The following NEK6 variants were observed in gnomAD, a reference collection of about 807,000 sequenced individuals.
NEK6 encodes the protein NIMA related kinase 6.
In NEK6, 27 loss-of-function variants were observed where a neutral mutation model predicts 43.5. That is an observed-to-expected ratio of 0.62 (90% CI 0.46 to 0.86). NEK6 has a LOEUF of 0.86. Among genes scored for constraint, NEK6 ranks in the 40% least tolerant of loss-of-function variants. The pLI is 0.00. For missense variants in NEK6, 318 were observed against 414.4 expected, an observed-to-expected ratio of 0.77 and a Z score of 2.02; for synonymous variants, 167 against 164.1, an observed-to-expected ratio of 1.02 and a Z score of -0.14.
intron 1 of NEK6, among the ~76,000 whole-genome samples, chr9:124,264,045 C>A (rs746075864): frequency 6.6e-6 from 1 of 152,224 alleles, no homozygotes; most frequent in African/African-American, 2.4e-5. Flanking sequence ...CAGGCCTGGC[C>A]GTGGGGCAGA....
At chr9:124,348,163 C>T (rs964366693) in intron 9 of NEK6, among the ~76,000 whole-genome samples, 2 of 152,206 alleles carry the variant, frequency 1.3e-5, no homozygotes, top group African/African-American at 4.8e-5. Flanking sequence ...GACATGGGAA[C>T]TGATACAGGG....
chr9:124,285,601 C>G (rs1300287860), intron 1 of NEK6, among the ~76,000 whole-genome samples: 1 of 152,194 alleles, frequency 6.6e-6, no homozygotes, highest in Non-Finnish European at 1.5e-5. Context: ...ATCCGAGCAA[C>G]AGCCGAGATT....
chr9:124,292,795 G>A, intron 1 of NEK6: 2 of 1,383,466 alleles, frequency 1.4e-6, no homozygotes, highest in South Asian at 1.5e-5. Flanking sequence ...CAACTGCTGG[G>A]GCCATGGAGA....
intron 1 of NEK6, chr9:124,300,038 G>A (rs1418447394): frequency 6.6e-6 from 1 of 152,330 alleles, no homozygotes; most frequent in Admixed American, 6.5e-5. Flanking sequence ...TGTGGGGCAG[G>A]GAGGAGAGCT....
At position 124,321,484 on chromosome 9, in the gene NEK6, A is replaced by G. The variant is rs1834061735; in HGVS notation, c.320A>G (p.Lys107Arg). 1 of 1,612,812 alleles carries G rather than the reference A, an allele frequency of 6.2e-7. No individual in the cohort carries two copies. The highest frequency in any genetic ancestry group is 1.7e-5 in the Admixed American group (1 of 59,986). The change falls in exon 5 of 10, where the codon AAG becomes AGG. Residue 107 changes from lysine (K) to arginine (R), a missense_variant. Lys to Arg is a conservative substitution (Grantham distance 26, BLOSUM62 2). Around this residue, in one of 2 missense-constraint regions of NEK6, gnomAD observed 239 missense variants for 344.4 expected, o/e 0.69. Transcript: ENST00000320246. Reference protein sequence around the residue: ...LKQLNHPNIIKYLDSFIEDNE... With the variant: ...LKQLNHPNIIRYLDSFIEDNE... ...CAACTGAACCACCCAAATATCATCA[A>G]GTATTTGGACTCGTTTATCGAAGAC... is the stretch of plus-strand genomic sequence containing the variant.
At chr9:124,339,090 G>A (rs376722239) in intron 7 of NEK6, among the ~76,000 whole-genome samples, 7 of 132,862 alleles carry the variant, frequency 5.3e-5, no homozygotes, top group African/African-American at 1.1e-4. Context: ...GTGCAGTGGC[G>A]CAATCTTGGC....
At chr9:124,314,373 G>C (rs1833708412) in intron 4 of NEK6, among the ~76,000 whole-genome samples, 2 of 152,070 alleles carry the variant, frequency 1.3e-5, no homozygotes, top group South Asian at 4.1e-4. Context: ...ACTGCAGCCT[G>C]TCTGGCTCTG....
intron 1 of NEK6, among the ~76,000 whole-genome samples, chr9:124,296,151 C>T (rs1588473560): frequency 6.6e-6 from 1 of 152,266 alleles, no homozygotes; most frequent in Admixed American, 6.5e-5. Flanking sequence ...GGCATCCATC[C>T]TCGGCTTCTG....
intron 1 of NEK6, among the ~76,000 whole-genome samples, chr9:124,278,084 G>C (rs562826319): frequency 9.8e-5 from 15 of 152,308 alleles, no homozygotes; most frequent in African/African-American, 3.6e-4. Flanking sequence ...TCTTTTGACT[G>C]TACCTTTTCC....
intron 7 of NEK6, among the ~76,000 whole-genome samples, chr9:124,335,560 G>A (rs1414322160): frequency 2.6e-5 from 4 of 152,246 alleles, no homozygotes; most frequent in Non-Finnish European, 4.4e-5. Context: ...AGTTAAATGA[G>A]CAGTGTGTTC....
At chr9:124,319,239 C>T (rs1833951638) in intron 4 of NEK6, among the ~76,000 whole-genome samples, 1 of 152,190 alleles carries the variant, frequency 6.6e-6, no homozygotes, top group Admixed American at 6.5e-5. Flanking sequence ...CCACCTCAGC[C>T]TCCCAAAGTG....
chr9:124,329,100 T>C (rs1397266796), intron 7 of NEK6, among the ~76,000 whole-genome samples: 3 of 152,228 alleles, frequency 2.0e-5, no homozygotes, highest in Admixed American at 6.5e-5. Context: ...GCAGATACCG[T>C]TGGAGTCCCC....
rs1830310908 is a variant in NEK6 at position 124,352,215 on chromosome 9, G to T, written c.*1268G>T. 6.6e-6 allele frequency: 1 copy of T among 152,546 alleles called. No homozygotes were observed. The highest frequency in any genetic ancestry group is 6.5e-5 in the Admixed American group (1 of 15,282). 9.4% of individuals were successfully genotyped at this position (152,546 alleles called of 1,614,324 possible). ...CAGACAAGAGCAGCGCTGGCATCGG[G>T]CAGGTGATTCCTGACACCTGCTGCC... is the stretch of plus-strand genomic sequence containing the variant. On this transcript the variant is annotated 3_prime_UTR_variant, in exon 10 of 10. Coordinates refer to ENST00000320246, the MANE Select transcript of NEK6 (RefSeq NM_014397.6).
chr9:124,308,942 G>A (rs553274413), intron 2 of NEK6, among the ~76,000 whole-genome samples: 10 of 152,362 alleles, frequency 6.6e-5, no homozygotes, highest in South Asian at 6.2e-4. Flanking sequence ...ACCCAGGAGC[G>A]GGGGAGGTCT....
In NEK6 at chr9:124,290,246, G is replaced by A. The variant is rs181527594; in HGVS notation, c.-29-11690G>A. Reference sequence around the variant, plus strand: ...TCTGGAGCCTTCTCTGTGAAATGAGGCTGGTAACGCCCACTAGCAGGGTTG... The same window carrying A: ...TCTGGAGCCTTCTCTGTGAAATGAGACTGGTAACGCCCACTAGCAGGGTTG... On this transcript the variant is annotated intron_variant, in intron 1 of 9. Transcript: ENST00000320246. Among the ~76,000 whole-genome samples the A allele has an allele frequency of 2.0e-5, 3 of 152,350 alleles. No individual in the cohort carries two copies. In the East Asian group the frequency reaches 5.8e-4, roughly 29 times the overall value.
chr9:124,289,556 T>C (rs527269699), intron 1 of NEK6, among the ~76,000 whole-genome samples: 1 of 152,206 alleles, frequency 6.6e-6, no homozygotes, highest in African/African-American at 2.4e-5. Flanking sequence ...CAGCCCCACG[T>C]CACTATGGCT....
intron 1 of NEK6, among the ~76,000 whole-genome samples, chr9:124,283,251 A>G (rs561679838): frequency 7.4e-4 from 113 of 152,358 alleles, no homozygotes; most frequent in African/African-American, 2.4e-3. Context: ...GTAGGTGCTC[A>G]GTCAATACTG....
intron 1 of NEK6, among the ~76,000 whole-genome samples, chr9:124,280,518 A>G (rs1318738819): frequency 6.6e-6 from 1 of 152,226 alleles, no homozygotes; most frequent in Non-Finnish European, 1.5e-5. Flanking sequence ...CCTCACGCTC[A>G]TGCGAATGTT....
chr9:124,290,635 C>G (rs1209577571), intron 1 of NEK6, among the ~76,000 whole-genome samples: 1 of 152,228 alleles, frequency 6.6e-6, no homozygotes, highest in African/African-American at 2.4e-5. Flanking sequence ...CTCTTGGGGA[C>G]CAGGGGCTGG....
Sources: gnomAD v4.1 joint callset for allele counts (sites outside exome capture counted in the v4.1 genomes callset) on GRCh38, gnomAD v4.1.1 for gene constraint, gnomAD v4.1.1 regional missense constraint, MANE v1.5 for transcripts, NCBI Gene and HGNC (gene_info 2026-07-23, HGNC 2026-07-21) for gene names.